The following SLC6A4 variants were observed in gnomAD, a reference collection of about 807,000 sequenced individuals.
SLC6A4 encodes sodium-dependent serotonin transporter.
A neutral mutation model predicts 73.4 loss-of-function variants in SLC6A4; 22 were observed. The ratio of observed to expected loss-of-function variants is 0.30; its 90% CI spans 0.21 to 0.43. The LOEUF (loss-of-function observed/expected upper bound fraction) is 0.43, where lower values mean the gene tolerates loss of function less well. Ranked by LOEUF, SLC6A4 falls within the 20% of genes least tolerant of loss-of-function variation. The pLI, the probability that SLC6A4 is intolerant of heterozygous loss-of-function variation, is 1.00. For missense variants in SLC6A4, 593 were observed against 808.5 expected (o/e 0.73, Z 3.23); for synonymous variants, 270 against 315.5 (o/e 0.86, Z 1.53).
chr17:30,228,183 C>G (rs551917766), intron 1 of SLC6A4, among the ~76,000 whole-genome samples: 1 of 152,222 alleles, frequency 6.6e-6, no homozygotes, highest in African/African-American at 2.4e-5. Flanking sequence ...ACTGGAATCC[C>G]TGGTCCACCA....
intron 14 of SLC6A4, among the ~76,000 whole-genome samples, chr17:30,200,495 G>A (rs1019745370): frequency 2.4e-4 from 36 of 152,196 alleles, no homozygotes; most frequent in African/African-American, 8.7e-4. Flanking sequence ...CTTCCAGACC[G>A]TGGGTGTGTA....
At chr17:30,234,962 T>C (rs1907224124) in intron 1 of SLC6A4, among the ~76,000 whole-genome samples, 1 of 152,062 alleles carries the variant, frequency 6.6e-6, no homozygotes, top group Admixed American at 6.5e-5. Context: ...AGTTTGAATG[T>C]ACACAATTTT....
In SLC6A4 at chr17:30,218,787, C is replaced by T. The variant is rs756132645; in HGVS notation, c.478+10G>A. ...CTCCACTTACCCACCCCACCGAGCC[C>T]TTCAGTTACCTTTGAAAATCGGGCA... is the stretch of plus-strand genomic sequence containing the variant. On this transcript the variant is annotated intron_variant, in intron 4 of 14. Transcript: ENST00000650711. 1 of 1,614,026 alleles carries T rather than the reference C, an allele frequency of 6.2e-7. No homozygotes were observed. The highest frequency in any genetic ancestry group is 2.2e-5 in the East Asian group (1 of 44,872).
intron 8 of SLC6A4, among the ~76,000 whole-genome samples, chr17:30,214,422 CAAAAAAAA>C (rs748274109): frequency 3.8e-5 from 3 of 79,534 alleles, no homozygotes; most frequent in African/African-American, 5.4e-5. Flanking sequence ...AACTCCGTCT[CAAAAAAAA>C]AAAAAAAAAA....
intron 1 of SLC6A4, among the ~76,000 whole-genome samples, chr17:30,234,243 T>C (rs1907203151): frequency 6.6e-6 from 1 of 152,190 alleles, no homozygotes; most frequent in Non-Finnish European, 1.5e-5. Context: ...TTTGAATATC[T>C]GTGCTGGTGG....
chr17:30,213,905 C>T (rs1906466277), intron 8 of SLC6A4, among the ~76,000 whole-genome samples: 1 of 151,952 alleles, frequency 6.6e-6, no homozygotes, highest in East Asian at 2.0e-4. Context: ...CACCACCACA[C>T]TCAGCTAATT....
intron 13 of SLC6A4, among the ~76,000 whole-genome samples, chr17:30,204,009 C>CA (rs1597633069): frequency 6.6e-6 from 1 of 152,236 alleles, no homozygotes; most frequent in East Asian, 1.9e-4. Flanking sequence ...CAATGAATGT[C>CA]TGCCTGCCAC....
At position 30,218,286 on chromosome 17, in the gene SLC6A4, T is replaced by G. The variant is rs1459451195; in HGVS notation, c.530A>C (p.Asn177Thr). 6.2e-7 allele frequency: 1 copy of G among 1,614,034 alleles called. No homozygotes were observed. ...GTATAGCGCCCAGGCCATGATGGTGTTGTAGTAGGAAGCAATGTAAAAGGC... is the reference window on the plus strand; with the variant it reads ...GTATAGCGCCCAGGCCATGATGGTGGTGTAGTAGGAAGCAATGTAAAAGGC... ...IIAFYIASYY[N>T]TIMAWALYYL... is the part of the protein sequence containing the mutation. Residue 177 changes from asparagine (N) to threonine (T), a missense_variant, in exon 5 of 15, where the codon AAC becomes ACC. Physicochemically the swap from Asn to Thr is moderately conservative, Grantham distance 65. Transcript: ENST00000650711.
chr17:30,210,444 A>T, intron 11 of SLC6A4, 71 bp downstream of exon 11: 2 of 1,515,904 alleles, frequency 1.3e-6, no homozygotes, highest in South Asian at 2.5e-5. Flanking sequence ...ATGGAAGGAG[A>T]CGAACAGCTT....
At chr17:30,222,167 C>T (rs1465065249) in intron 2 of SLC6A4, 86 bp from the exon 3 acceptor site, 2 of 801,960 alleles carry the variant, frequency 2.5e-6, no homozygotes, top group Non-Finnish European at 3.9e-6. Flanking sequence ...TCTTAAACTA[C>T]ATTAGTTAAC....
chr17:30,212,910 A>G (rs778186449), intron 8 of SLC6A4, 43 bp from the exon 9 acceptor site: 8 of 1,609,622 alleles, frequency 5.0e-6, no homozygotes, highest in Middle Eastern at 3.3e-4. Context: ...CAGTTCCAAG[A>G]TCAGGGGTCT....
chr17:30,210,176 G>C (rs1906339514), intron 11 of SLC6A4, among the ~76,000 whole-genome samples: 1 of 152,094 alleles, frequency 6.6e-6, no homozygotes, highest in East Asian at 1.9e-4. Context: ...CGTGAAGAAC[G>C]TCAGGGCAGT....
intron 1 of SLC6A4, among the ~76,000 whole-genome samples, chr17:30,230,116 A>AGGAGGAG (rs1567824225): frequency 8.2e-5 from 11 of 134,064 alleles, no homozygotes; most frequent in African/African-American, 2.7e-4. Flanking sequence ...AGGAAGAGGA[A>AGGAGGAG]GAGGAAGAGG....
At chr17:30,217,542 C>G (rs1906616344) in intron 5 of SLC6A4, among the ~76,000 whole-genome samples, 2 of 152,200 alleles carry the variant, frequency 1.3e-5, no homozygotes, top group Admixed American at 1.3e-4. Context: ...CCTGGATTCT[C>G]CTTTGCTGGA....
chr17:30,224,696 T>C (rs944717829), intron 1 of SLC6A4, among the ~76,000 whole-genome samples: 2 of 152,074 alleles, frequency 1.3e-5, no homozygotes, highest in African/African-American at 4.8e-5. Context: ...GGAGAGGAAA[T>C]AGACATTTAG....
At chr17:30,205,776 C>T (rs1906174514) in intron 13 of SLC6A4, among the ~76,000 whole-genome samples, 1 of 152,132 alleles carries the variant, frequency 6.6e-6, no homozygotes, top group South Asian at 2.1e-4. Flanking sequence ...GAGACACATG[C>T]AGTGTCACAG....
At position 30,195,240 on chromosome 17, in the gene SLC6A4, A is replaced by G. The variant is rs1036638427; in HGVS notation, c.*3216T>C. 1 of 152,320 alleles carries G rather than the reference A, an allele frequency of 6.6e-6. No individual in the cohort carries two copies. The highest frequency in any genetic ancestry group is 2.4e-5 in the African/African-American group (1 of 41,460). 9.4% of individuals were successfully genotyped at this position (152,320 alleles called of 1,614,324 possible). ...TTTATCTTTTCTATCGTGGTATTAA[A>G]CCAATTGAGAGGGTTTTTTTGTTTT... is the stretch of plus-strand genomic sequence containing the variant. On this transcript the variant is annotated 3_prime_UTR_variant, in exon 15 of 15. Coordinates refer to ENST00000650711, the MANE Select transcript of SLC6A4 (RefSeq NM_001045.6).
chr17:30,203,468 T>C, intron 13 of SLC6A4, 129 bp from the exon 14 acceptor site: 2 of 779,834 alleles, frequency 2.6e-6, no homozygotes, highest in East Asian at 2.6e-5. Flanking sequence ...ATGTGATATA[T>C]CCTGGATTGA....
chr17:30,230,161 G>C (rs146214704), intron 1 of SLC6A4, among the ~76,000 whole-genome samples: 1,756 of 151,194 alleles, frequency 0.012, 28 homozygotes, highest in South Asian at 0.05. Flanking sequence ...AAGAGGAAGA[G>C]GAAGAAGAAG....
Sources: gnomAD v4.1 joint callset for allele counts (sites outside exome capture counted in the v4.1 genomes callset) on GRCh38, gnomAD v4.1.1 for gene constraint, MANE v1.5 for transcripts, NCBI Gene and HGNC (gene_info 2026-07-23, HGNC 2026-07-21) for gene names.